PDE8A: variants seen among roughly 807,000 people sequenced by gnomAD.
PDE8A encodes the protein high affinity cAMP-specific and IBMX-insensitive 3',5'-cyclic phosphodiesterase 8A.
A neutral mutation model predicts 105.0 loss-of-function variants in PDE8A; 59 were observed. That is an observed-to-expected ratio of 0.56 (90% CI 0.46 to 0.70). The LOEUF is 0.70. Among genes scored for constraint, PDE8A ranks in the 30% least tolerant of loss-of-function variants. PDE8A has a pLI of 0.00. For synonymous variants in PDE8A, 355 were observed against 371.9 expected, an observed-to-expected ratio of 0.95 and a Z score of 0.52; for missense variants, 1,014 against 1,045.9, an observed-to-expected ratio of 0.97 and a Z score of 0.42.
At chr15:85,076,857 C>A in intron 5 of PDE8A, 70 bp downstream of exon 5, 1 of 997,254 alleles carries the variant, frequency 1.0e-6, no homozygotes, top group South Asian at 1.3e-5. Context: ...AGTTCAGTAC[C>A]CAGCAAAAGC....
intron 1 of PDE8A, among the ~76,000 whole-genome samples, chr15:85,011,591 T>A (rs1006395064): frequency 1.3e-5 from 2 of 152,132 alleles, no homozygotes; most frequent in East Asian, 3.8e-4. Context: ...ATAATGGTTT[T>A]CCTAGAAGAA....
intron 1 of PDE8A, among the ~76,000 whole-genome samples, chr15:85,031,364 A>G (rs1027772281): frequency 2.6e-5 from 4 of 152,142 alleles, no homozygotes; most frequent in Non-Finnish European, 4.4e-5. Context: ...GAGATTTGGG[A>G]TTAGCATCAT....
intron 1 of PDE8A, among the ~76,000 whole-genome samples, chr15:85,019,798 T>C (rs983489113): frequency 2.6e-5 from 4 of 152,128 alleles, no homozygotes; most frequent in African/African-American, 9.7e-5. Context: ...CAGGCTGGTC[T>C]CAAACTCCTG....
At chr15:85,129,674 GT>G (rs58542497) in intron 20 of PDE8A, among the ~76,000 whole-genome samples, 118,008 of 151,904 alleles carry the variant, frequency 0.78, 47,062 homozygotes, top group East Asian at 0.95. Context: ...TTTTGGTTTT[GT>G]TTTTTTCTGT....
At chr15:85,025,902 T>C (rs865912342) in intron 1 of PDE8A, among the ~76,000 whole-genome samples, 1 of 152,144 alleles carries the variant, frequency 6.6e-6, no homozygotes, top group Non-Finnish European at 1.5e-5. Context: ...ATGCTGACCA[T>C]ATATATGGGG....
chr15:85,079,268 T>A (rs114274074), intron 5 of PDE8A, among the ~76,000 whole-genome samples: 4 of 152,204 alleles, frequency 2.6e-5, no homozygotes, highest in African/African-American at 9.7e-5. Context: ...TAGTCAACGC[T>A]AGGTGTTTGT....
chr15:85,124,124 A>G (rs531834420), intron 19 of PDE8A, among the ~76,000 whole-genome samples: 1 of 152,272 alleles, frequency 6.6e-6, no homozygotes, highest in South Asian at 2.1e-4. Context: ...CCCTGTTTCT[A>G]CATTTGAGGC....
At chr15:84,988,360 T>A (rs2079836271) in intron 1 of PDE8A, among the ~76,000 whole-genome samples, 1 of 152,216 alleles carries the variant, frequency 6.6e-6, no homozygotes. Context: ...ATTATCAGGA[T>A]TTTGTTAAGT....
chr15:84,981,117 A>T (rs988914037), upstream of PDE8A, among the ~76,000 whole-genome samples: 2 of 152,210 alleles, frequency 1.3e-5, no homozygotes, highest in Non-Finnish European at 2.9e-5. Flanking sequence ...GTAGCCGCTA[A>T]GTTACGGAGC....
intron 3 of PDE8A, 46 bp downstream of exon 3, chr15:85,067,250 C>CA (rs1361360809): frequency 7.5e-7 from 1 of 1,325,302 alleles, no homozygotes; most frequent in Non-Finnish European, 1.1e-6. Flanking sequence ...GCCTTTCTGA[C>CA]AATACATGCA....
intron 1 of PDE8A, among the ~76,000 whole-genome samples, chr15:85,012,762 A>T (rs1234845048): frequency 1.3e-5 from 2 of 152,210 alleles, no homozygotes. Context: ...TTAGACTCCG[A>T]AAAGTAGATT....
chr15:85,032,781 A>T (rs1372782122), intron 1 of PDE8A, among the ~76,000 whole-genome samples: 1 of 152,226 alleles, frequency 6.6e-6, no homozygotes, highest in Non-Finnish European at 1.5e-5. Context: ...TTAAAAAATC[A>T]AAGAATATGT....
At chr15:85,081,719 G>GGGGCGTGC in intron 5 of PDE8A, among the ~76,000 whole-genome samples, 1 of 152,250 alleles carries the variant, frequency 6.6e-6, no homozygotes, top group Non-Finnish European at 1.5e-5. Flanking sequence ...GAGATGTTTA[G>GGGGCGTGC]ATAAAGAGAA....
chr15:84,994,009 C>T (rs1274892640), intron 1 of PDE8A, among the ~76,000 whole-genome samples: 2 of 152,174 alleles, frequency 1.3e-5, no homozygotes, highest in Non-Finnish European at 2.9e-5. Context: ...TTCTGCAGCT[C>T]CCTCCAAAAG....
chr15:85,066,107 A>C (rs923347992), intron 2 of PDE8A, among the ~76,000 whole-genome samples: 1 of 152,216 alleles, frequency 6.6e-6, no homozygotes, highest in African/African-American at 2.4e-5. Flanking sequence ...TAAGTATTCT[A>C]ATAATTTCAC....
At chr15:85,015,032 G>A (rs1394058667) in intron 1 of PDE8A, among the ~76,000 whole-genome samples, 1 of 151,992 alleles carries the variant, frequency 6.6e-6, no homozygotes, top group Non-Finnish European at 1.5e-5. Context: ...TATAATTTCT[G>A]GCCTTTGTGT....
intron 11 of PDE8A, among the ~76,000 whole-genome samples, chr15:85,107,836 A>C (rs1447642595): frequency 1.3e-5 from 2 of 152,224 alleles, no homozygotes; most frequent in Admixed American, 1.3e-4. Flanking sequence ...AACTATAGGA[A>C]GAATGAGATC....
chr15:85,013,313 T>C (rs1201598569), intron 1 of PDE8A, among the ~76,000 whole-genome samples: 1 of 152,238 alleles, frequency 6.6e-6, no homozygotes. Context: ...TCTACCACTG[T>C]GCACTTTTAA....
rs2079714771 is a variant in PDE8A, at chr15:84,981,910, A to G, written c.-253A>G. ...GGCGGCCGTCGGCTCCTGCCTCAGG[A>G]AGGGCATGTTCGGAGGGGCGGCCTC... On this transcript the variant is annotated 5_prime_UTR_variant, in exon 1 of 22. Coordinates refer to ENST00000394553, the MANE Select transcript of PDE8A (RefSeq NM_002605.3). 4.1e-6 allele frequency: 1 copy of G among 244,714 alleles called. No individual in the cohort carries two copies. Among genetic ancestry groups the G allele is most frequent in the African/African-American group, 2.3e-5 (1 of 43,800 alleles). The allele number at this position is 244,714 out of a possible 1,614,324, so 15.2% of individuals were successfully genotyped here.
Sources: gnomAD v4.1 joint callset for allele counts (sites outside exome capture counted in the v4.1 genomes callset) on GRCh38, gnomAD v4.1.1 for gene constraint, MANE v1.5 for transcripts, NCBI Gene and HGNC (gene_info 2026-07-23, HGNC 2026-07-21) for gene names.